The following EPHA6 variants were observed in gnomAD, a reference collection of about 807,000 sequenced individuals.
The protein encoded by EPHA6 is ephrin type-A receptor 6.
In EPHA6, 50 loss-of-function variants were observed where a neutral mutation model predicts 112.0. The observed-to-expected ratio is 0.45, with a 90% CI of 0.36 to 0.56. The LOEUF (loss-of-function observed/expected upper bound fraction) is 0.56, where lower values mean the gene tolerates loss of function less well. EPHA6 is among the 20% of genes least tolerant of loss of function. EPHA6 has a pLI of 0.00. For synonymous variants in EPHA6, 529 were observed against 490.7 expected (o/e 1.08, Z -1.03); for missense variants, 1,280 against 1,417.4 (o/e 0.90, Z 1.56).
intron 11 of EPHA6, among the ~76,000 whole-genome samples, chr3:97,547,222 G>T (rs972100411): frequency 3.3e-5 from 5 of 152,242 alleles, no homozygotes; most frequent in Non-Finnish European, 5.9e-5. Context: ...TTTGATGATG[G>T]TGATGTACAG....
At chr3:97,081,693 G>A (rs564435352) in intron 3 of EPHA6, among the ~76,000 whole-genome samples, 19 of 151,616 alleles carry the variant, frequency 1.3e-4, no homozygotes, top group East Asian at 5.8e-4. Context: ...ACTTGCATTC[G>A]CTGTAGTATT....
intron 3 of EPHA6, among the ~76,000 whole-genome samples, chr3:97,099,458 G>C (rs1298356566): frequency 6.6e-6 from 1 of 151,552 alleles, no homozygotes; most frequent in Non-Finnish European, 1.5e-5. Flanking sequence ...AGTTATTAAA[G>C]GATTAGATAT....
At chr3:97,170,773 G>A (rs78095300) in intron 3 of EPHA6, among the ~76,000 whole-genome samples, 3,537 of 151,886 alleles carry the variant, frequency 0.023, 70 homozygotes, top group Non-Finnish European at 0.038. Context: ...AGAAATATAG[G>A]ACCAGGTCTG....
intron 10 of EPHA6, among the ~76,000 whole-genome samples, chr3:97,527,933 A>G (rs957709812): frequency 1.3e-5 from 2 of 152,134 alleles, no homozygotes; most frequent in African/African-American, 4.8e-5. Flanking sequence ...AAGGCTATTT[A>G]TGCCCCTTTC....
rs908313665 is a variant in EPHA6 at position 97,756,826 on chromosome 3, C to T, written c.*8125C>T. Among the ~76,000 whole-genome samples the T allele has an allele frequency of 6.6e-6, 1 of 151,750 alleles. No individual in the cohort carries two copies. ...TATGGTGTGTGCTTGATTTTGGATA[C>T]ATTATTATTCATTTTGTTAGTCACA... On this transcript the variant is annotated 3_prime_UTR_variant, in exon 18 of 18. Transcript: ENST00000389672.
chr3:97,431,988 C>A (rs577221037), intron 6 of EPHA6, among the ~76,000 whole-genome samples: 1 of 152,198 alleles, frequency 6.6e-6, no homozygotes, highest in East Asian at 1.9e-4. Flanking sequence ...CCTATGACAG[C>A]TACATTTACA....
At chr3:97,655,318 T>G (rs1283942493) in intron 14 of EPHA6, among the ~76,000 whole-genome samples, 1 of 151,746 alleles carries the variant, frequency 6.6e-6, no homozygotes, top group African/African-American at 2.4e-5. Context: ...ATCCTCCTTC[T>G]TCCCCAGTAG....
intron 7 of EPHA6, among the ~76,000 whole-genome samples, chr3:97,466,108 T>G (rs1159198548): frequency 6.6e-6 from 1 of 151,944 alleles, no homozygotes; most frequent in African/African-American, 2.4e-5. Flanking sequence ...GAATATCTCC[T>G]GGCACATGTG....
intron 15 of EPHA6, among the ~76,000 whole-genome samples, chr3:97,723,641 T>C (rs1388245186): frequency 4.6e-5 from 7 of 152,036 alleles, no homozygotes; most frequent in Non-Finnish European, 1.0e-4. Context: ...TGACGTGCAT[T>C]ACCAAAGAAT....
chr3:97,358,612 A>G (rs564285417), intron 5 of EPHA6, among the ~76,000 whole-genome samples: 1 of 152,172 alleles, frequency 6.6e-6, no homozygotes, highest in East Asian at 1.9e-4. Flanking sequence ...AATACTTACT[A>G]TCTTTTATAC....
intron 1 of EPHA6, among the ~76,000 whole-genome samples, chr3:96,838,099 T>G (rs1315546840): frequency 6.7e-6 from 1 of 150,068 alleles, no homozygotes; most frequent in Non-Finnish European, 1.5e-5. Flanking sequence ...ACCCAATGTG[T>G]CCATATGTTT....
intron 3 of EPHA6, among the ~76,000 whole-genome samples, chr3:97,102,729 C>A (rs1248949317): frequency 2.0e-5 from 3 of 152,004 alleles, no homozygotes; most frequent in Non-Finnish European, 2.9e-5. Context: ...AACTAATTTA[C>A]ACCCCCACCA....
chr3:97,510,934 G>A (rs2092352939), intron 10 of EPHA6, among the ~76,000 whole-genome samples: 1 of 152,236 alleles, frequency 6.6e-6, no homozygotes, highest in African/African-American at 2.4e-5. Flanking sequence ...CAGCTTTGCG[G>A]AGTTGTGGTG....
At chr3:97,406,611 T>A (rs2087364077) in intron 6 of EPHA6, among the ~76,000 whole-genome samples, 1 of 152,190 alleles carries the variant, frequency 6.6e-6, no homozygotes, top group Admixed American at 6.6e-5. Flanking sequence ...TCTATTCTAC[T>A]GCTTCAGAGT....
intron 11 of EPHA6, among the ~76,000 whole-genome samples, chr3:97,544,973 G>A (rs571144304): frequency 2.0e-5 from 3 of 152,270 alleles, no homozygotes; most frequent in South Asian, 4.2e-4. Context: ...TATTAGGCTT[G>A]CTAGTGGTCT....
intron 14 of EPHA6, among the ~76,000 whole-genome samples, chr3:97,674,618 A>G (rs914464623): frequency 4.3e-4 from 66 of 152,310 alleles, no homozygotes; most frequent in African/African-American, 1.5e-3. Context: ...GTTTGAATCA[A>G]GTCTTTGAAA....
intron 1 of EPHA6, among the ~76,000 whole-genome samples, chr3:96,846,565 T>C (rs1475541331): frequency 1.3e-5 from 2 of 152,054 alleles, no homozygotes; most frequent in African/African-American, 4.8e-5. Flanking sequence ...TAAGATAGAA[T>C]TAAATCATTA....
intron 15 of EPHA6, among the ~76,000 whole-genome samples, chr3:97,720,715 A>G (rs1244208111): frequency 6.6e-6 from 1 of 152,246 alleles, no homozygotes; most frequent in Non-Finnish European, 1.5e-5. Flanking sequence ...GTAAGACAAA[A>G]GAAAGAGTAA....
At chr3:96,830,851 G>C (rs1357612507) in intron 1 of EPHA6, among the ~76,000 whole-genome samples, 1 of 151,966 alleles carries the variant, frequency 6.6e-6, no homozygotes, top group Non-Finnish European at 1.5e-5. Flanking sequence ...GAGATCTGCT[G>C]TACAGCATGG....
Sources: allele counts gnomAD v4.1 joint callset (sites outside exome capture counted in the v4.1 genomes callset), GRCh38; gene constraint gnomAD v4.1.1; transcripts MANE v1.5; gene names NCBI Gene and HGNC (gene_info 2026-07-23, HGNC 2026-07-21).